ACTR3C: variants seen among roughly 807,000 people sequenced by gnomAD.
ACTR3C encodes actin related protein 3C, also known as actin-related protein 3C.
In ACTR3C, 18 loss-of-function variants were observed where a neutral mutation model predicts 26.3. That is an observed-to-expected ratio of 0.68 (90% confidence interval 0.47 to 1.01). The LOEUF (loss-of-function observed/expected upper bound fraction) is 1.01, where lower values mean the gene tolerates loss of function less well. Ranked by LOEUF, ACTR3C falls within the 50% of genes least tolerant of loss-of-function variation. The pLI is 0.00. For missense variants in ACTR3C, 184 were observed against 250.7 expected (o/e 0.73, Z 1.80); for synonymous variants, 55 against 94.5 (o/e 0.58, Z 2.42).
chr7:150,213,027 C>T, the ACTR3C span, among the ~76,000 whole-genome samples: 120 of 151,360 alleles, frequency 7.9e-4, 1 homozygote, highest in East Asian at 0.012. Flanking sequence ...ATGTGGAAAA[C>T]GACAGATACC....
chr7:150,180,000 T>G, the ACTR3C span, among the ~76,000 whole-genome samples: 2 of 151,160 alleles, frequency 1.3e-5, no homozygotes, highest in African/African-American at 2.5e-5. Flanking sequence ...TCAAGACATA[T>G]TTCTTAAAAT....
chr7:150,033,674 G>A, the ACTR3C span, among the ~76,000 whole-genome samples: 779 of 146,332 alleles, frequency 5.3e-3, no homozygotes, highest in African/African-American at 0.019. Context: ...CCTGCCTCGC[G>A]GGGGGTGCCT....
the ACTR3C span, among the ~76,000 whole-genome samples, chr7:150,068,402 G>A: frequency 6.6e-5 from 10 of 152,208 alleles, no homozygotes; most frequent in African/African-American, 1.9e-4. Flanking sequence ...CACCTGCAAC[G>A]TCCTTGTCCC....
chr7:149,988,674 A>G, the ACTR3C span, among the ~76,000 whole-genome samples: 1 of 152,334 alleles, frequency 6.6e-6, no homozygotes, highest in South Asian at 2.1e-4. Context: ...CCTAACCCAC[A>G]GAAGTCTCAT....
At chr7:150,167,649 G>A in the ACTR3C span, among the ~76,000 whole-genome samples, 1 of 150,636 alleles carries the variant, frequency 6.6e-6, no homozygotes, top group South Asian at 2.1e-4. Context: ...AATGTTATGG[G>A]CTATACAACT....
chr7:149,914,961 C>A, the ACTR3C span, among the ~76,000 whole-genome samples: 1 of 151,540 alleles, frequency 6.6e-6, no homozygotes, highest in Admixed American at 6.6e-5. Flanking sequence ...CTCACTGCAA[C>A]CTCCACCTCC....
the ACTR3C span, among the ~76,000 whole-genome samples, chr7:150,069,769 A>T: frequency 6.6e-6 from 1 of 152,200 alleles, no homozygotes; most frequent in Admixed American, 6.5e-5. Context: ...TTAATAGCTC[A>T]GAGACATGCA....
chr7:149,986,417 C>T, the ACTR3C span, among the ~76,000 whole-genome samples: 4 of 152,078 alleles, frequency 2.6e-5, no homozygotes, highest in East Asian at 3.8e-4. Context: ...GTGTATTCAC[C>T]GCGAGGTAAG....
the ACTR3C span, among the ~76,000 whole-genome samples, chr7:149,990,772 C>A: frequency 6.6e-6 from 1 of 152,116 alleles, no homozygotes; most frequent in Non-Finnish European, 1.5e-5. Flanking sequence ...CAGAGTCTGC[C>A]ACCCCTTTCT....
chr7:150,246,915 C>T (rs1474659396), downstream of ACTR3C: 2 of 152,264 alleles, frequency 1.3e-5, no homozygotes, highest in Non-Finnish European at 2.9e-5. Context: ...GCCTCCACTT[C>T]TTGAGTAGCT....
Position 150,293,422 on chromosome 7 carries a change from G to A in ACTR3C, c.46-3C>T. On this transcript the variant is annotated splice_region_variant and splice_polypyrimidine_tract_variant and intron_variant, in intron 2 of 7. Coordinates refer to ENST00000683684, the MANE Select transcript of ACTR3C (RefSeq NM_001164458.2). ...GATGCCGCCAAGGCCAGCACTGCCT[G>A]GAGAAAAGACATGAAAACCGCTCGC... 4.4e-6 allele frequency: 7 copies of A among 1,574,350 alleles called. No homozygotes were observed. The highest frequency in any genetic ancestry group is 6.0e-6 in the Non-Finnish European group (7 of 1,159,272).
At chr7:150,111,694 C>T in the ACTR3C span, among the ~76,000 whole-genome samples, 12 of 130,860 alleles carry the variant, frequency 9.2e-5, no homozygotes, top group East Asian at 2.2e-4. Flanking sequence ...GAGCCGCCCT[C>T]CTCCGCCCAC....
At chr7:149,930,475 T>G in the ACTR3C span, among the ~76,000 whole-genome samples, 1 of 152,206 alleles carries the variant, frequency 6.6e-6, no homozygotes, top group Non-Finnish European at 1.5e-5. Flanking sequence ...CTCTTCCAGC[T>G]TTCAGTAGCA....
the ACTR3C span, among the ~76,000 whole-genome samples, chr7:149,967,227 G>T: frequency 2.0e-5 from 3 of 151,236 alleles, no homozygotes; most frequent in African/African-American, 2.4e-5. Flanking sequence ...AGTAGAGACA[G>T]GGTTTCACTC....
the ACTR3C span, among the ~76,000 whole-genome samples, chr7:149,928,503 G>T: frequency 4.6e-5 from 7 of 150,758 alleles, no homozygotes; most frequent in African/African-American, 1.7e-4. Context: ...ACAGGTGTGA[G>T]CCACTGCGCC....
intron 6 of ACTR3C, among the ~76,000 whole-genome samples, chr7:150,271,795 C>CAT (rs1227126194): frequency 1.4e-5 from 2 of 147,278 alleles, no homozygotes; most frequent in African/African-American, 5.4e-5. Flanking sequence ...CACCAACCAC[C>CAT]ATGTTGCACA....
At chr7:150,206,745 G>A in the ACTR3C span, among the ~76,000 whole-genome samples, 1 of 152,158 alleles carries the variant, frequency 6.6e-6, no homozygotes, top group Non-Finnish European at 1.5e-5. Flanking sequence ...TCCCTTAGAA[G>A]ATAAGTGGCC....
the ACTR3C span, among the ~76,000 whole-genome samples, chr7:150,116,551 T>G: frequency 6.6e-6 from 1 of 152,180 alleles, no homozygotes. Flanking sequence ...ATTTCTGAAA[T>G]TCTTATATTA....
At chr7:149,900,700 C>G in the ACTR3C span, among the ~76,000 whole-genome samples, 1 of 152,136 alleles carries the variant, frequency 6.6e-6, no homozygotes, top group African/African-American at 2.4e-5. Context: ...ATGTGAATCT[C>G]ATGAGATTCA....
Sources: allele counts gnomAD v4.1 joint callset (sites outside exome capture counted in the v4.1 genomes callset), GRCh38; gene constraint gnomAD v4.1.1; transcripts MANE v1.5; gene names NCBI Gene and HGNC (gene_info 2026-07-23, HGNC 2026-07-21).